LDLRAP1: variants seen among roughly 807,000 people sequenced by gnomAD.
LDLRAP1 encodes low density lipoprotein receptor adaptor protein 1.
Under a neutral mutation model 37.8 loss-of-function variants are expected in LDLRAP1, and 30 were observed. The ratio of observed to expected loss-of-function variants is 0.79; its 90% CI spans 0.59 to 1.08. The LOEUF (loss-of-function observed/expected upper bound fraction) is 1.08. Among genes scored for constraint, LDLRAP1 ranks in the 50% least tolerant of loss-of-function variants. The pLI is 0.00. For synonymous variants in LDLRAP1, 156 were observed against 169.8 expected, an observed-to-expected ratio of 0.92 and a Z score of 0.63; for missense variants, 375 against 401.6, an observed-to-expected ratio of 0.93 and a Z score of 0.57.
the LDLRAP1 span, among the ~76,000 whole-genome samples, chr1:25,580,594 A>C: frequency 6.6e-6 from 1 of 152,140 alleles, no homozygotes; most frequent in Non-Finnish European, 1.5e-5. Flanking sequence ...TGCAGCCTTG[A>C]CGTTTCTGGG....
At chr1:25,569,829 G>A (rs1234102155), downstream of LDLRAP1, among the ~76,000 whole-genome samples, 1 of 152,214 alleles carries the variant, frequency 6.6e-6, no homozygotes, top group African/African-American at 2.4e-5. Flanking sequence ...GAAGGCAGCT[G>A]TGCTTCAAGT....
the LDLRAP1 span, among the ~76,000 whole-genome samples, chr1:25,586,767 A>T: frequency 6.6e-6 from 1 of 152,084 alleles, no homozygotes; most frequent in African/African-American, 2.4e-5. This position sits in a 1 kb window ranked among gnomAD's most constrained non-coding sequence, Gnocchi z 4.3. Context: ...GGGGGCCCTG[A>T]CCAGGGATGC....
At chr1:25,557,083 C>A in intron 3 of LDLRAP1, 70 bp from the exon 4 acceptor site, 2 of 1,145,960 alleles carry the variant, frequency 1.7e-6, no homozygotes, top group Non-Finnish European at 2.7e-6. Flanking sequence ...GGGGAGCTGC[C>A]CTGCAGGGCT....
chr1:25,575,423 TAAA>T, the LDLRAP1 span, among the ~76,000 whole-genome samples: 2 of 108,752 alleles, frequency 1.8e-5, no homozygotes, highest in Non-Finnish European at 3.5e-5. Context: ...CTGTCTCTAC[TAAA>T]AAAAAAAAAA....
Position 25,567,090 on chromosome 1 carries a change from C to A in LDLRAP1, c.*98C>A, listed in dbSNP as rs1364182056. On this transcript the variant is annotated 3_prime_UTR_variant, in exon 9 of 9. Coordinates refer to ENST00000374338, the MANE Select transcript of LDLRAP1 (RefSeq NM_015627.3). ...GTTCTGGGGCCCGCCTGCCACCTCT[C>A]CCAGCCCTCAGCATTGTCAGCCTGA... is the stretch of plus-strand genomic sequence containing the variant. 13 of 1,437,192 alleles carry A rather than the reference C, an allele frequency of 9.0e-6. No homozygotes were observed. The South Asian group carries it at 1.5e-4, about 17-fold the overall frequency. The allele number at this position is 1,437,192 out of a possible 1,614,324, so 89.0% of individuals were successfully genotyped here.
intron 1 of LDLRAP1, 145 bp from the exon 2 acceptor site, chr1:25,553,777 A>G: frequency 2.1e-6 from 2 of 964,020 alleles, no homozygotes; most frequent in South Asian, 3.4e-5. Flanking sequence ...TCTCAAAAAA[A>G]AAAAAAAAAA....
chr1:25,546,594 C>T (rs2043939269), intron 1 of LDLRAP1, among the ~76,000 whole-genome samples: 1 of 152,132 alleles, frequency 6.6e-6, no homozygotes, highest in Non-Finnish European at 1.5e-5. Flanking sequence ...CACCTTGGCC[C>T]CTCAGCACTC....
Position 25,557,224 on chromosome 1 carries a change from A to G in LDLRAP1, c.416A>G (p.Gln139Arg). ...FAYIAQSQHN[Q>R]SLECHAFLCT... ...TACATCGCCCAGAGCCAGCACAACC[A>G]GAGCCTCGAGTGCCACGCCTTCCTC... The change falls in exon 4 of 9, where the codon CAG becomes CGG. Residue 139 changes from glutamine to arginine, a missense_variant. Transcript: ENST00000374338. 2.5e-6 allele frequency: 4 copies of G among 1,614,060 alleles called. No homozygotes were observed. Among genetic ancestry groups the G allele is most frequent in the Non-Finnish European group, 3.4e-6 (4 of 1,179,976 alleles).
chr1:25,561,453 A>G (rs2044340686), intron 4 of LDLRAP1, among the ~76,000 whole-genome samples: 1 of 152,182 alleles, frequency 6.6e-6, no homozygotes, highest in African/African-American at 2.4e-5. Context: ...TTTTAAAGGC[A>G]GTGGCCACAG....
At chr1:25,574,857 G>A in the LDLRAP1 span, among the ~76,000 whole-genome samples, 5 of 152,190 alleles carry the variant, frequency 3.3e-5, no homozygotes, top group Non-Finnish European at 5.9e-5. Context: ...CTGCTTGTCC[G>A]TAGTGGGCAG....
chr1:25,571,011 C>G (rs1049538599), downstream of LDLRAP1, among the ~76,000 whole-genome samples: 1 of 152,220 alleles, frequency 6.6e-6, no homozygotes, highest in Non-Finnish European at 1.5e-5. Context: ...GGAGGATCAA[C>G]AAGTTGACCA....
At chr1:25,575,179 T>C in the LDLRAP1 span, among the ~76,000 whole-genome samples, 1 of 152,092 alleles carries the variant, frequency 6.6e-6, no homozygotes, top group Non-Finnish European at 1.5e-5. Flanking sequence ...TGTTTGGGCC[T>C]TGCCAGCCCC....
At chr1:25,566,644 A>G (rs1053085348) in intron 8 of LDLRAP1, among the ~76,000 whole-genome samples, 4 of 151,078 alleles carry the variant, frequency 2.6e-5, no homozygotes, top group Non-Finnish European at 5.9e-5. Context: ...GGGTGGGTGC[A>G]CCGCTGGCTG....
intron 4 of LDLRAP1, among the ~76,000 whole-genome samples, chr1:25,560,012 C>G (rs928526314): frequency 2.0e-5 from 3 of 151,340 alleles, no homozygotes; most frequent in Non-Finnish European, 4.4e-5. Context: ...GAGACAGACA[C>G]CTTGAATGGG....
chr1:25,562,786 C>G, intron 5 of LDLRAP1, 70 bp downstream of exon 5: 1 of 1,364,308 alleles, frequency 7.3e-7, no homozygotes, highest in Non-Finnish European at 1.0e-6. Flanking sequence ...TGGGGTCAGA[C>G]CTGGACCGAC....
At position 25,554,403 on chromosome 1, in the gene LDLRAP1, C is replaced by A. The variant is rs1310582790; in HGVS notation, c.231+339C>A. On this transcript the variant is annotated intron_variant, in intron 2 of 8. Coordinates refer to ENST00000374338, the MANE Select transcript of LDLRAP1 (RefSeq NM_015627.3). This position sits in a 1 kb window ranked among gnomAD's most constrained non-coding sequence, Gnocchi z 5.4. ...CCCAATGGCCTGAGAGACAGCATAG[C>A]CCATCAGAGAGCAGATTGCCCCCTC... Among the ~76,000 whole-genome samples, 3 of 152,188 alleles carry A rather than the reference C, an allele frequency of 2.0e-5. No homozygotes were observed. The highest frequency in any genetic ancestry group is 4.4e-5 in the Non-Finnish European group (3 of 68,026).
At chr1:25,561,203 C>T (rs1188040354) in intron 4 of LDLRAP1, among the ~76,000 whole-genome samples, 1 of 152,182 alleles carries the variant, frequency 6.6e-6, no homozygotes. Context: ...AGTTCATGGG[C>T]AATTCTCAAT....
the LDLRAP1 span, among the ~76,000 whole-genome samples, chr1:25,583,271 C>A: frequency 6.7e-6 from 1 of 149,054 alleles, no homozygotes; most frequent in Admixed American, 6.7e-5. Context: ...CTCACTGTAA[C>A]CTCCATCTCC....
chr1:25,576,101 A>C, the LDLRAP1 span, among the ~76,000 whole-genome samples: 1 of 151,492 alleles, frequency 6.6e-6, no homozygotes, highest in Non-Finnish European at 1.5e-5. Flanking sequence ...GCATGGTGGC[A>C]TGTGCCTGTA....
Sources: allele counts gnomAD v4.1 joint callset (sites outside exome capture counted in the v4.1 genomes callset), GRCh38; gene constraint gnomAD v4.1.1; non-coding constraint Gnocchi (gnomAD v3.1); transcripts MANE v1.5; gene names NCBI Gene and HGNC (gene_info 2026-07-23, HGNC 2026-07-21).